The following VPS53 variants were observed in gnomAD, a reference collection of about 807,000 sequenced individuals.
VPS53 encodes vacuolar protein sorting-associated protein 53 homolog.
A neutral mutation model predicts 107.0 loss-of-function variants in VPS53; 70 were observed. The ratio of observed to expected loss-of-function variants is 0.65; its 90% CI spans 0.54 to 0.80. The LOEUF is 0.80. VPS53 is among the 30% of genes least tolerant of loss of function. The probability of loss-of-function intolerance (pLI) is 0.00; values close to 1 mark genes in which losing one functional copy is unlikely to be tolerated. For synonymous variants in VPS53, 409 were observed against 393.3 expected, an observed-to-expected ratio of 1.04 and a Z score of -0.47; for missense variants, 917 against 1,049.4, an observed-to-expected ratio of 0.87 and a Z score of 1.74.
rs534779330 is a variant in VPS53, at chr17:510,286, T to A, written c.*8842A>T. On this transcript the variant is annotated 3_prime_UTR_variant, in exon 22 of 22. Coordinates refer to ENST00000437048, the MANE Select transcript of VPS53 (RefSeq NM_001128159.3). ...CCTGGCTCGCCCCTCACTAGTCACA[T>A]ATCAAATCCTGTCTCGCCCCTCACT... The A allele has an allele frequency of 7.1e-6, 1 of 141,712 alleles. No individual in the cohort carries two copies. The highest frequency in any genetic ancestry group is 1.1e-4 in the South Asian group (1 of 9,288). 8.8% of individuals were successfully genotyped at this position (141,712 alleles called of 1,614,324 possible). A position where few individuals can be genotyped will look rare whatever the true frequency, so the allele number is the denominator to read the frequency against.
chr17:619,783 G>A (rs1448070203), intron 11 of VPS53, among the ~76,000 whole-genome samples: 177 of 139,612 alleles, frequency 1.3e-3, no homozygotes, highest in Admixed American at 1.7e-3. Context: ...ACCACGCCCC[G>A]CTAATATTTC....
At chr17:572,632 G>A (rs1914272983) in intron 13 of VPS53, among the ~76,000 whole-genome samples, 1 of 151,734 alleles carries the variant, frequency 6.6e-6, no homozygotes, top group Non-Finnish European at 1.5e-5. Flanking sequence ...TGGTTGCCGT[G>A]TCTGTGTGGA....
At chr17:688,461 C>T (rs1972666959) in intron 4 of VPS53, among the ~76,000 whole-genome samples, 1 of 152,258 alleles carries the variant, frequency 6.6e-6, no homozygotes, top group Non-Finnish European at 1.5e-5. Flanking sequence ...GGTATTTCTT[C>T]ATAGCAGTGT....
Position 612,115 on chromosome 17 carries a change from C to T in VPS53, c.1117-10219G>A, listed in dbSNP as rs374004934. 8.7e-5 allele frequency among the ~76,000 whole-genome samples: 13 copies of T among 150,218 alleles called. No individual in the cohort carries two copies. The East Asian group carries it at 2.2e-3, about 25-fold the overall frequency. ...CACACAGTGAAAACCTGTACAGATA[C>T]TCACAGCAGTATTCAAATAGTGAAT... On this transcript the variant is annotated intron_variant, in intron 11 of 21. Transcript: ENST00000437048.
At chr17:538,887 T>A (rs886286154) in intron 17 of VPS53, 1 of 152,358 alleles carries the variant, frequency 6.6e-6, no homozygotes, top group Admixed American at 6.5e-5. Flanking sequence ...CCTCATTATC[T>A]TTTATCTTAC....
chr17:677,207 A>G (rs1972203146), intron 4 of VPS53, among the ~76,000 whole-genome samples: 1 of 152,224 alleles, frequency 6.6e-6, no homozygotes, highest in African/African-American at 2.4e-5. Context: ...CCAAGTGTCC[A>G]TGGACAGATG....
intron 4 of VPS53, among the ~76,000 whole-genome samples, chr17:669,755 G>C: frequency 6.6e-6 from 1 of 151,840 alleles, no homozygotes; most frequent in East Asian, 1.9e-4. Flanking sequence ...AGCTGGGTGT[G>C]GTGGCGCATG....
chr17:584,977 T>C (rs890577763), intron 13 of VPS53, among the ~76,000 whole-genome samples: 1 of 152,106 alleles, frequency 6.6e-6, no homozygotes, highest in Non-Finnish European at 1.5e-5. Flanking sequence ...ATGATGAAAA[T>C]AGACAATCGA....
rs955568063 is a variant in VPS53 at position 700,203 on chromosome 17, T to C, written c.169-823A>G. On this transcript the variant is annotated intron_variant, in intron 2 of 21. Coordinates refer to ENST00000437048, the MANE Select transcript of VPS53 (RefSeq NM_001128159.3). ...TTAGTAGTTGCAGCATTAGTAGCTA[T>C]AATCTATCAACTACGTATTGCAATA... 2.6e-5 allele frequency among the ~76,000 whole-genome samples: 4 copies of C among 152,320 alleles called. No individual in the cohort carries two copies. In the East Asian group the frequency reaches 5.8e-4, roughly 22 times the overall value.
intron 4 of VPS53, chr17:674,331 AC>A (rs746327489): frequency 6.6e-6 from 1 of 152,206 alleles, no homozygotes; most frequent in African/African-American, 2.4e-5. Flanking sequence ...CCCATATCTT[AC>A]TATTACTTCT....
intron 13 of VPS53, among the ~76,000 whole-genome samples, chr17:584,283 C>T (rs1315647803): frequency 3.3e-5 from 5 of 152,178 alleles, no homozygotes; most frequent in East Asian, 3.9e-4. Flanking sequence ...TGCCTTCCAA[C>T]GTGGAAGGGC....
chr17:520,834 GCTTCACCCTCACCTACATGAGCT>G lies in VPS53; in HGVS notation c.2223+744_2223+766del, dbSNP rs1447897588. ...TGCTTCACCCTCACCTACATGAGCT[GCTTCACCCTCACCTACATGAGCT>G]CTTCACCCTCACCTACATGAGCTCT... On this transcript the variant is annotated intron_variant, in intron 20 of 21. Transcript: ENST00000437048. The surrounding 1 kb of genome is among the most constrained non-coding windows in gnomAD (Gnocchi z 4.4). Among the ~76,000 whole-genome samples, 865 of 149,752 alleles carry G rather than the reference GCTTCACCCTCACCTACATGAGCT, an allele frequency of 5.8e-3. 9 individuals are homozygous for G. The highest frequency in any genetic ancestry group is 0.049 in the East Asian group (247 of 5,070).
intron 18 of VPS53, among the ~76,000 whole-genome samples, chr17:535,162 G>A (rs1036557818): frequency 6.6e-6 from 1 of 152,156 alleles, no homozygotes; most frequent in Non-Finnish European, 1.5e-5. Flanking sequence ...GGATGAGAAG[G>A]CACCATGGAT....
intron 19 of VPS53, chr17:523,493 T>C (rs947021304): frequency 6.6e-6 from 1 of 152,228 alleles, no homozygotes; most frequent in Non-Finnish European, 1.5e-5. Flanking sequence ...TCCTATTTAC[T>C]TTGCTTTGGA....
chr17:698,550 T>C (rs575604382), intron 3 of VPS53, among the ~76,000 whole-genome samples: 2 of 151,266 alleles, frequency 1.3e-5, no homozygotes, highest in African/African-American at 2.4e-5. Flanking sequence ...ACAAAAAATA[T>C]AAACATTAGC....
chr17:532,874 A>C lies in VPS53; in HGVS notation c.2053T>G (p.Cys685Gly), dbSNP rs756829534. The change falls in exon 19 of 22, where the codon TGC (cysteine) becomes GGC (glycine). Residue 685 changes from cysteine to glycine, a missense_variant. By Grantham distance (159) the Cys-to-Gly change is radical. Transcript: ENST00000437048. ...GCTCCCACCATGCTAATTGGCTTGCACTTGAAGAGGTGGGTGATGAATTTG... is the reference window on the plus strand; with the variant it reads ...GCTCCCACCATGCTAATTGGCTTGCCCTTGAAGAGGTGGGTGATGAATTTG... ...IPKFITHLFKCKPISMVGAEQ... is the reference protein window; with the variant it reads ...IPKFITHLFKGKPISMVGAEQ... 2.5e-6 allele frequency: 4 copies of C among 1,613,994 alleles called. No homozygotes were observed.
intron 9 of VPS53, among the ~76,000 whole-genome samples, chr17:627,612 T>G (rs1012422476): frequency 4.6e-5 from 7 of 152,054 alleles, no homozygotes; most frequent in Admixed American, 4.6e-4. Context: ...CCGTCCCTAC[T>G]AAAAAATACA....
intron 13 of VPS53, among the ~76,000 whole-genome samples, chr17:565,372 C>T (rs1913393629): frequency 8.0e-6 from 1 of 125,084 alleles, no homozygotes; most frequent in Non-Finnish European, 1.6e-5. Flanking sequence ...CATTGCACTA[C>T]AGCCTGGGCA....
At chr17:645,132 T>C (rs1970635076) in intron 7 of VPS53, among the ~76,000 whole-genome samples, 1 of 152,192 alleles carries the variant, frequency 6.6e-6, no homozygotes, top group Non-Finnish European at 1.5e-5. Flanking sequence ...AAACAAATGT[T>C]GAAAAGCAAA....
Sources: allele counts gnomAD v4.1 joint callset (sites outside exome capture counted in the v4.1 genomes callset), GRCh38; gene constraint gnomAD v4.1.1; non-coding constraint Gnocchi (gnomAD v3.1); transcripts MANE v1.5; gene names NCBI Gene and HGNC (gene_info 2026-07-23, HGNC 2026-07-21).